Variants in OPCML observed in about 807,000 individuals in gnomAD.
The protein encoded by OPCML is opioid-binding protein/cell adhesion molecule.
In OPCML, 13 loss-of-function variants were observed where a neutral mutation model predicts 37.8. That is an observed-to-expected ratio of 0.34 (90% confidence interval 0.22 to 0.55). The LOEUF is 0.55. Among genes scored for constraint, OPCML ranks in the 20% least tolerant of loss-of-function variants. The pLI is 0.91. For missense variants in OPCML, 341 were observed against 435.6 expected, an observed-to-expected ratio of 0.78 and a Z score of 1.93; for synonymous variants, 176 against 168.8, an observed-to-expected ratio of 1.04 and a Z score of -0.33.
intron 1 of OPCML, among the ~76,000 whole-genome samples, chr11:132,995,498 C>T (rs901352196): frequency 2.0e-5 from 3 of 147,238 alleles, no homozygotes; most frequent in East Asian, 2.0e-4. Context: ...TCCTTCCTTC[C>T]TTTTTTCTTT....
At chr11:133,465,582 C>G (rs1946958304) in intron 1 of OPCML, among the ~76,000 whole-genome samples, 1 of 152,072 alleles carries the variant, frequency 6.6e-6, no homozygotes, top group Non-Finnish European at 1.5e-5. Context: ...TTCACATTGT[C>G]CTAAGTCAAT....
intron 2 of OPCML, among the ~76,000 whole-genome samples, chr11:132,725,357 T>C: frequency 6.6e-6 from 1 of 152,124 alleles, no homozygotes; most frequent in East Asian, 1.9e-4. Flanking sequence ...GTGGCTGGGA[T>C]CCAGGGTACC....
At chr11:133,275,268 G>A (rs528614807) in intron 1 of OPCML, among the ~76,000 whole-genome samples, 99 of 152,174 alleles carry the variant, frequency 6.5e-4, no homozygotes, top group African/African-American at 2.2e-3. Context: ...TCAGACTTTC[G>A]GGGTTTATAG....
Position 132,591,422 on chromosome 11 carries a change from G to A in OPCML, c.380-62236C>T, listed in dbSNP as rs542676520. On this transcript the variant is annotated intron_variant, in intron 3 of 7. Transcript: ENST00000524381. ...TTACTTGTAGAGTAAAAGAGGAGCTGTACTTTGTACCTTTTATGTTTGACC... is the reference window on the plus strand; with the variant it reads ...TTACTTGTAGAGTAAAAGAGGAGCTATACTTTGTACCTTTTATGTTTGACC... Among the ~76,000 whole-genome samples the A allele has an allele frequency of 8.5e-5, 13 of 152,302 alleles. No individual in the cohort carries two copies. The South Asian group carries it at 2.7e-3, about 32-fold the overall frequency.
At chr11:133,123,262 G>A (rs536016523) in intron 1 of OPCML, among the ~76,000 whole-genome samples, 51 of 152,234 alleles carry the variant, frequency 3.4e-4, no homozygotes, top group Admixed American at 7.8e-4. Context: ...TTGCCCTTGT[G>A]CTACCCTTGT....
chr11:132,594,918 T>C (rs1198183359), intron 3 of OPCML, among the ~76,000 whole-genome samples: 1 of 152,228 alleles, frequency 6.6e-6, no homozygotes, highest in Non-Finnish European at 1.5e-5. Context: ...CACTCAGATT[T>C]CCCAACCCCG....
At chr11:132,722,012 G>A (rs1051409508) in intron 2 of OPCML, among the ~76,000 whole-genome samples, 6 of 127,446 alleles carry the variant, frequency 4.7e-5, no homozygotes, top group Non-Finnish European at 9.3e-5. Flanking sequence ...CTGGAGTGCA[G>A]TGGAGTGATC....
chr11:132,446,307 G>A (rs1030125764), intron 4 of OPCML, among the ~76,000 whole-genome samples: 1 of 145,122 alleles, frequency 6.9e-6, no homozygotes, highest in Non-Finnish European at 1.5e-5. Context: ...AGAAAAGGAA[G>A]AGAGGAGCTA....
intron 2 of OPCML, among the ~76,000 whole-genome samples, chr11:132,927,098 GGAAAAGAAATA>G (rs1430075004): frequency 6.6e-6 from 1 of 151,976 alleles, no homozygotes; most frequent in Non-Finnish European, 1.5e-5. Flanking sequence ...GAGAGTTCCG[GGAAAAGAAATA>G]GAGAGAAAGG....
intron 3 of OPCML, among the ~76,000 whole-genome samples, chr11:132,632,128 C>G (rs1261943029): frequency 3.4e-5 from 5 of 145,368 alleles, no homozygotes; most frequent in Non-Finnish European, 7.5e-5. Flanking sequence ...GAATGCAGAT[C>G]CAGCTTAAAA....
At chr11:133,298,917 T>A (rs976703821) in intron 1 of OPCML, 1 of 152,068 alleles carries the variant, frequency 6.6e-6, no homozygotes, top group African/African-American at 2.4e-5. Context: ...AACTTTCATA[T>A]ATAACTACAA....
chr11:133,404,698 G>A (rs1013927682), intron 1 of OPCML, among the ~76,000 whole-genome samples: 2 of 152,198 alleles, frequency 1.3e-5, no homozygotes, highest in Non-Finnish European at 2.9e-5. Context: ...GGCTGATGCA[G>A]CTTTAGCTAG....
chr11:133,437,191 GT>G (rs1946251578), intron 1 of OPCML, among the ~76,000 whole-genome samples: 1 of 152,196 alleles, frequency 6.6e-6, no homozygotes, highest in African/African-American at 2.4e-5. Flanking sequence ...CCAGATTGTA[GT>G]TTGTTATGTA....
intron 1 of OPCML, among the ~76,000 whole-genome samples, chr11:133,199,844 T>C (rs182799919): frequency 5.8e-4 from 89 of 152,286 alleles, no homozygotes; most frequent in Admixed American, 1.9e-3. Context: ...GAAGGCAAGA[T>C]TTCTGTTTCT....
intron 1 of OPCML, among the ~76,000 whole-genome samples, chr11:133,313,150 A>G (rs1943107773): frequency 6.6e-6 from 1 of 152,206 alleles, no homozygotes; most frequent in Admixed American, 6.5e-5. Flanking sequence ...CCATCGCCAT[A>G]TAAATGCACG....
At chr11:133,249,399 C>T (rs1941053520) in intron 1 of OPCML, among the ~76,000 whole-genome samples, 1 of 152,098 alleles carries the variant, frequency 6.6e-6, no homozygotes, top group African/African-American at 2.4e-5. Context: ...GGATGCAAAG[C>T]CATTTATGAG....
chr11:132,918,225 G>C (rs61034549), intron 2 of OPCML, among the ~76,000 whole-genome samples: 36,954 of 152,030 alleles, frequency 0.24, 7,925 homozygotes, highest in African/African-American at 0.57. Context: ...TGTTTATTGA[G>C]GAATAACATT....
chr11:133,318,278 T>C (rs1943250520), intron 1 of OPCML, among the ~76,000 whole-genome samples: 1 of 152,218 alleles, frequency 6.6e-6, no homozygotes, highest in African/African-American at 2.4e-5. Context: ...TGCACTTCCT[T>C]GTAAAACACA....
chr11:133,399,801 A>G (rs1316606803), intron 1 of OPCML, among the ~76,000 whole-genome samples: 2 of 151,616 alleles, frequency 1.3e-5, no homozygotes, highest in Admixed American at 6.6e-5. Context: ...TCATTTCTAG[A>G]TGTGTCTTCC....
Sources: gnomAD v4.1 joint callset for allele counts (sites outside exome capture counted in the v4.1 genomes callset) on GRCh38, gnomAD v4.1.1 for gene constraint, MANE v1.5 for transcripts, NCBI Gene and HGNC (gene_info 2026-07-23, HGNC 2026-07-21) for gene names.